Variants in MAPKAP1 observed in about 807,000 individuals in gnomAD.
MAPKAP1 encodes MAPK associated protein 1.
A neutral mutation model predicts 65.7 loss-of-function variants in MAPKAP1; 20 were observed. That is an observed-to-expected ratio of 0.30 (90% CI 0.21 to 0.44). MAPKAP1 has a LOEUF of 0.44. Ranked by LOEUF, MAPKAP1 falls within the 20% of genes least tolerant of loss-of-function variation. The pLI is 1.00. For synonymous variants in MAPKAP1, 222 were observed against 244.3 expected, an observed-to-expected ratio of 0.91 and a Z score of 0.85; for missense variants, 423 against 648.0, an observed-to-expected ratio of 0.65 and a Z score of 3.77.
intron 4 of MAPKAP1, among the ~76,000 whole-genome samples, chr9:125,588,364 G>A (rs1326534818): frequency 6.6e-6 from 1 of 152,164 alleles, no homozygotes; most frequent in Non-Finnish European, 1.5e-5. Flanking sequence ...AATCCATAGA[G>A]ACAGAAAGTA....
At chr9:125,605,268 A>G (rs1832407389) in intron 4 of MAPKAP1, among the ~76,000 whole-genome samples, 1 of 152,228 alleles carries the variant, frequency 6.6e-6, no homozygotes. Context: ...GCCTTTATAA[A>G]TATTAAAACT....
intron 7 of MAPKAP1, among the ~76,000 whole-genome samples, chr9:125,509,400 T>C (rs1424260816): frequency 1.3e-5 from 2 of 152,222 alleles, no homozygotes; most frequent in Non-Finnish European, 2.9e-5. Flanking sequence ...TGCTTTGTGT[T>C]TTTTTGTATT....
At chr9:125,690,302 G>A (rs1835128218) in intron 1 of MAPKAP1, among the ~76,000 whole-genome samples, 1 of 152,160 alleles carries the variant, frequency 6.6e-6, no homozygotes, top group South Asian at 2.1e-4. Context: ...TTTCAGAAAT[G>A]CTTAAAACAA....
chr9:125,639,301 A>G (rs2131705994), intron 4 of MAPKAP1, among the ~76,000 whole-genome samples: 1 of 152,256 alleles, frequency 6.6e-6, no homozygotes, highest in South Asian at 2.1e-4. Context: ...GCCTAGGTTC[A>G]AATTGCAGAC....
chr9:125,537,940 C>T (rs1589267648), intron 7 of MAPKAP1, among the ~76,000 whole-genome samples: 1 of 152,156 alleles, frequency 6.6e-6, no homozygotes, highest in East Asian at 1.9e-4. Flanking sequence ...CTAAATTCCG[C>T]ACCTCCCCAT....
intron 8 of MAPKAP1, among the ~76,000 whole-genome samples, chr9:125,490,299 G>A (rs546933947): frequency 6.6e-6 from 1 of 152,254 alleles, no homozygotes; most frequent in Non-Finnish European, 1.5e-5. Flanking sequence ...CACCATTTTG[G>A]GAGGCCGAGG....
chr9:125,444,587 A>G lies in MAPKAP1; in HGVS notation c.1357T>C (p.Phe453Leu). Residue 453 changes from phenylalanine to leucine, a missense_variant, in exon 11 of 12, where the codon TTT becomes CTT. Coordinates refer to ENST00000265960, the MANE Select transcript of MAPKAP1 (RefSeq NM_001006617.3). ...AEEKSPSHAI[F>L]KLTYLSNHDY... ...TGATTGCTTAGATACGTGAGTTTAA[A>G]TATTGCGTGACCTGCAGAGACAGAA... The G allele has an allele frequency of 6.2e-7, 1 of 1,612,858 alleles. No individual in the cohort carries two copies.
chr9:125,675,916 G>A (rs1192891859), intron 1 of MAPKAP1, among the ~76,000 whole-genome samples: 1 of 152,082 alleles, frequency 6.6e-6, no homozygotes, highest in Non-Finnish European at 1.5e-5. Flanking sequence ...TGTCCCCTTG[G>A]AACACTATTC....
rs67605427 is a variant in MAPKAP1, at chr9:125,563,731, T to TTATTA, written c.672-3923_672-3922insTAATA. Among the ~76,000 whole-genome samples, 874 of 144,974 alleles carry TTATTA rather than the reference T, an allele frequency of 6.0e-3. 4 individuals are homozygous for TTATTA. The highest frequency in any genetic ancestry group is 0.011 in the South Asian group (51 of 4,480). Reference sequence around the variant, plus strand: ...TATTATTATTATTATTATTATTATTTTTGAGATGGAGTCTTGCTCTTGTCA... The same window carrying TTATTA: ...TATTATTATTATTATTATTATTATTTTATTATTGAGATGGAGTCTTGCTCTTGTCA... On this transcript the variant is annotated intron_variant, in intron 5 of 11. Transcript: ENST00000265960.
intron 4 of MAPKAP1, among the ~76,000 whole-genome samples, chr9:125,624,370 T>G (rs1833021045): frequency 1.8e-5 from 1 of 55,194 alleles, no homozygotes; most frequent in Non-Finnish European, 3.9e-5. Context: ...AGCCGCCCCA[T>G]CCGGGAGGGA....
rs117083204 is a variant in MAPKAP1, at chr9:125,616,035, C to A, written c.499-30308G>T. On this transcript the variant is annotated intron_variant, in intron 4 of 11. Transcript: ENST00000265960. ...TAGTGTGATATTAGCACAGGAAAAA[C>A]CAAATAAACAATTGAAACAGAAAAG... 3.1e-3 allele frequency among the ~76,000 whole-genome samples: 467 copies of A among 151,746 alleles called. 2 individuals are homozygous for A. Among genetic ancestry groups the A allele is most frequent in the African/African-American group, 4.4e-3 (182 of 41,392 alleles).
chr9:125,444,565 T>C lies in MAPKAP1; in HGVS notation c.1379A>G (p.Asn460Ser), dbSNP rs763180206. The part of the protein sequence containing the change: ...HAIFKLTYLS[N>S]HDYKHLYFES... The stretch of plus-strand genomic sequence containing the variant: ...AAAGTAGAGGTGTTTATAGTCGTGA[T>C]TGCTTAGATACGTGAGTTTAAATAT... The change falls in exon 11 of 12, where the codon AAT becomes AGT. Residue 460 changes from asparagine to serine, a missense_variant. Physicochemically the swap from Asn to Ser is conservative, Grantham distance 46. Around this residue, in one of 6 missense-constraint regions of MAPKAP1, gnomAD observed 185 missense variants for 268.1 expected, o/e 0.69. Coordinates refer to ENST00000265960, the MANE Select transcript of MAPKAP1 (RefSeq NM_001006617.3). 9 of 1,613,888 alleles carry C rather than the reference T, an allele frequency of 5.6e-6. No individual in the cohort carries two copies. Among genetic ancestry groups the C allele is most frequent in the Non-Finnish European group, 7.6e-6 (9 of 1,179,850 alleles).
chr9:125,694,233 CAGG>C (rs894969750), intron 1 of MAPKAP1, among the ~76,000 whole-genome samples: 10 of 151,782 alleles, frequency 6.6e-5, no homozygotes, highest in African/African-American at 2.4e-4. Flanking sequence ...GAGGCTGAGG[CAGG>C]AGAACTGCTT....
At chr9:125,485,702 T>C (rs1035948071) in intron 8 of MAPKAP1, among the ~76,000 whole-genome samples, 1 of 152,144 alleles carries the variant, frequency 6.6e-6, no homozygotes, top group South Asian at 2.1e-4. Context: ...GCTCAAACTC[T>C]ACCTCTCCTG....
At position 125,633,549 on chromosome 9, in the gene MAPKAP1, C is replaced by A. The variant is rs370673565; in HGVS notation, c.498+24102G>T. 2.2e-3 allele frequency among the ~76,000 whole-genome samples: 336 copies of A among 152,250 alleles called. 1 individual carries two copies. Among genetic ancestry groups the A allele is most frequent in the Non-Finnish European group, 4.1e-3 (281 of 68,002 alleles). ...CACTTTCTGATGACGAATCCACCAC[C>A]AGGATTATGTGTAATGGGCAATTTT... On this transcript the variant is annotated intron_variant, in intron 4 of 11. Transcript: ENST00000265960.
intron 3 of MAPKAP1, among the ~76,000 whole-genome samples, chr9:125,669,617 T>C (rs1834440249): frequency 6.6e-6 from 1 of 151,674 alleles, no homozygotes. Flanking sequence ...TGACCCAGAG[T>C]GAAGGGTGGC....
At chr9:125,690,156 C>T (rs530801737) in intron 1 of MAPKAP1, among the ~76,000 whole-genome samples, 1 of 152,226 alleles carries the variant, frequency 6.6e-6, no homozygotes, top group South Asian at 2.1e-4. Context: ...TCAGACAAGG[C>T]TTCACAGAAG....
intron 4 of MAPKAP1, among the ~76,000 whole-genome samples, chr9:125,606,861 G>A (rs1832453636): frequency 6.6e-6 from 1 of 152,160 alleles, no homozygotes; most frequent in African/African-American, 2.4e-5. Flanking sequence ...CTTTCATGGA[G>A]CTAGGGGCAT....
chr9:125,485,718 T>A (rs1156461867), intron 8 of MAPKAP1, among the ~76,000 whole-genome samples: 1 of 152,174 alleles, frequency 6.6e-6, no homozygotes, highest in African/African-American at 2.4e-5. Context: ...TCCTGTGAAA[T>A]CTTTTCTGAT....
Sources: allele counts gnomAD v4.1 joint callset (sites outside exome capture counted in the v4.1 genomes callset), GRCh38; gene constraint gnomAD v4.1.1; regional missense constraint gnomAD v4.1.1; transcripts MANE v1.5; gene names NCBI Gene and HGNC (gene_info 2026-07-23, HGNC 2026-07-21).